The following SPNS3 variants were observed in gnomAD, a reference collection of about 807,000 sequenced individuals.
SPNS3 encodes protein spinster homolog 3.
A neutral mutation model predicts 54.4 loss-of-function variants in SPNS3; 51 were observed. That is an observed-to-expected ratio of 0.94 (90% CI 0.75 to 1.18). The LOEUF (loss-of-function observed/expected upper bound fraction) is 1.18, where lower values mean the gene tolerates loss of function less well. Ranked by LOEUF, SPNS3 falls within the 50% of genes most tolerant of loss-of-function variation. The probability of loss-of-function intolerance (pLI) is 0.00; values close to 1 mark genes in which losing one functional copy is unlikely to be tolerated. For missense variants in SPNS3, 669 were observed against 677.4 expected, an observed-to-expected ratio of 0.99 and a Z score of 0.14; for synonymous variants, 309 against 294.7, an observed-to-expected ratio of 1.05 and a Z score of -0.50.
chr17:4,434,006 G>T lies in SPNS3; in HGVS notation c.39G>T (p.Gly13=). The T allele has an allele frequency of 6.3e-7, 1 of 1,594,458 alleles. No individual in the cohort carries two copies. The highest frequency in any genetic ancestry group is 1.1e-5 in the South Asian group (1 of 89,074). ...GGMSAECPEP[G]PGGLQGQSPG... ...TGTCAGCGGAGTGCCCTGAGCCTGG[G>T]CCAGGAGGTCTGCAGGGCCAGTCCC... Residue 13 remains glycine, a synonymous_variant, in exon 1 of 12, where the codon GGG becomes GGT. Transcript: ENST00000355530.
intron 8 of SPNS3, among the ~76,000 whole-genome samples, chr17:4,462,727 ACCC>A (rs1469547398): frequency 2.6e-5 from 2 of 76,248 alleles, no homozygotes; most frequent in African/African-American, 1.1e-4. Context: ...CCACCCACCC[ACCC>A]ATCCACCAAT....
At chr17:4,475,368 G>T (rs1597338743) in intron 8 of SPNS3, among the ~76,000 whole-genome samples, 1 of 152,254 alleles carries the variant, frequency 6.6e-6, no homozygotes, top group South Asian at 2.1e-4. Context: ...GGGAAACTGG[G>T]GAGGAGATGG....
rs35751906 is a variant in SPNS3, at chr17:4,433,988, G to A, written c.21G>A (p.Ala7=). 0.17 allele frequency: 258,782 copies of A among 1,557,384 alleles called. 22,771 individuals are homozygous for A. Among genetic ancestry groups the A allele is most frequent in the Middle Eastern group, 0.23 (1,307 of 5,624 alleles). Residue 7 remains alanine (A), a synonymous_variant, in exon 1 of 12, where the codon GCG becomes GCA. Coordinates refer to ENST00000355530, the MANE Select transcript of SPNS3 (RefSeq NM_182538.5). ...CTGGCATGGCTGGGGGGATGTCAGC[G>A]GAGTGCCCTGAGCCTGGGCCAGGAG... is the stretch of plus-strand genomic sequence containing the variant. MAGGMS[A]ECPEPGPGGL...
intron 1 of SPNS3, among the ~76,000 whole-genome samples, chr17:4,438,786 CAG>C (rs1334632428): frequency 1.3e-5 from 2 of 152,248 alleles, no homozygotes; most frequent in African/African-American, 2.4e-5. Context: ...TGAGCAGCGA[CAG>C]GGGGCTGCCG....
intron 7 of SPNS3, among the ~76,000 whole-genome samples, chr17:4,452,587 G>C (rs1971194779): frequency 6.6e-6 from 1 of 152,072 alleles, no homozygotes; most frequent in Non-Finnish European, 1.5e-5. Flanking sequence ...ATACATGTTT[G>C]CTTCCCTCCA....
At chr17:4,450,515 G>A (rs183302451) in intron 7 of SPNS3, among the ~76,000 whole-genome samples, 2 of 152,078 alleles carry the variant, frequency 1.3e-5, no homozygotes, top group East Asian at 3.9e-4. Context: ...CCAGGCTTAA[G>A]CAATCCTCCC....
intron 6 of SPNS3, among the ~76,000 whole-genome samples, chr17:4,448,542 G>A (rs1971066740): frequency 6.6e-6 from 1 of 152,222 alleles, no homozygotes; most frequent in Admixed American, 6.5e-5. Flanking sequence ...GATGGCGTGA[G>A]CCCCAGCCTT....
At chr17:4,439,272 C>T (rs542951894) in intron 1 of SPNS3, among the ~76,000 whole-genome samples, 38 of 152,056 alleles carry the variant, frequency 2.5e-4, no homozygotes, top group African/African-American at 7.5e-4. Context: ...TACAGGCGCC[C>T]GCCACCACGT....
At chr17:4,484,373 T>A (rs1432547079) in intron 9 of SPNS3, among the ~76,000 whole-genome samples, 1 of 152,190 alleles carries the variant, frequency 6.6e-6, no homozygotes, top group Non-Finnish European at 1.5e-5. Context: ...CAGGCTGGAG[T>A]ATAGTGGTGC....
At chr17:4,436,644 A>G (rs184409237) in intron 1 of SPNS3, among the ~76,000 whole-genome samples, 2 of 152,288 alleles carry the variant, frequency 1.3e-5, no homozygotes, top group South Asian at 2.1e-4. Flanking sequence ...AACAAAACAC[A>G]TGAAACAAAA....
Position 4,486,335 on chromosome 17 carries a change from T to A in SPNS3, c.1278+9T>A. 3.8e-6 allele frequency: 6 copies of A among 1,599,372 alleles called. No homozygotes were observed. The highest frequency in any genetic ancestry group is 5.1e-6 in the Non-Finnish European group (6 of 1,173,870). On this transcript the variant is annotated intron_variant, in intron 10 of 11. Transcript: ENST00000355530. The surrounding 1 kb of genome is among the most constrained non-coding windows in gnomAD (Gnocchi z 5.5). The stretch of plus-strand genomic sequence containing the variant: ...CCTATCTCACAGGACTTGTAAGACG[T>A]GTCTGCGTGTGTGGGGTGGGGAGGG...
chr17:4,446,519 GC>G, intron 4 of SPNS3: 2 of 493,456 alleles, frequency 4.1e-6, no homozygotes, highest in South Asian at 2.7e-5. Flanking sequence ...GCGTGTTAGG[GC>G]CAGGCCCTGC....
chr17:4,436,840 G>A (rs562459269), intron 1 of SPNS3, among the ~76,000 whole-genome samples: 1 of 152,350 alleles, frequency 6.6e-6, no homozygotes, highest in South Asian at 2.1e-4. Flanking sequence ...GGAGGCCTGA[G>A]TTGGAGTGTG....
chr17:4,458,613 CTTT>C (rs1971399348), intron 8 of SPNS3, among the ~76,000 whole-genome samples: 1 of 108,368 alleles, frequency 9.2e-6, no homozygotes, highest in African/African-American at 3.6e-5. Context: ...TTCTTTCTTT[CTTT>C]CTTTCTTTCT....
chr17:4,468,771 T>TTCTTTCTTTC (rs1266906325), intron 8 of SPNS3, among the ~76,000 whole-genome samples: 2 of 53,650 alleles, frequency 3.7e-5, no homozygotes, highest in Admixed American at 2.2e-4. Flanking sequence ...CTCTCTTTCT[T>TTCTTTCTTTC]TTTCTTTCTT....
At chr17:4,458,529 T>A (rs1971384743) in intron 8 of SPNS3, among the ~76,000 whole-genome samples, 1 of 104,912 alleles carries the variant, frequency 9.5e-6, no homozygotes, top group Non-Finnish European at 2.4e-5. Context: ...CCCACCCGCC[T>A]TCCTTCCTTC....
intron 1 of SPNS3, among the ~76,000 whole-genome samples, chr17:4,435,798 GGCTC>G (rs1970700729): frequency 6.6e-6 from 1 of 152,050 alleles, no homozygotes; most frequent in South Asian, 2.1e-4. Flanking sequence ...CAGGCGTGGT[GGCTC>G]ACGCCTGTAA....
At chr17:4,487,548 C>T (rs994314633) in intron 11 of SPNS3, among the ~76,000 whole-genome samples, 3 of 152,248 alleles carry the variant, frequency 2.0e-5, no homozygotes, top group Non-Finnish European at 4.4e-5. Flanking sequence ...GCCAAAGCAT[C>T]TCCCTGGCTG....
At position 4,487,962 on chromosome 17, in the gene SPNS3, C is replaced by T; in HGVS notation, c.*68C>T. On this transcript the variant is annotated 3_prime_UTR_variant, in exon 12 of 12. Coordinates refer to ENST00000355530, the MANE Select transcript of SPNS3 (RefSeq NM_182538.5). Reference sequence around the variant, plus strand: ...TCCCCACAGCAGCAGTGCCTCGGTTCCTCTTTGGCTGTCCTCGGGGACTCC... The same window carrying T: ...TCCCCACAGCAGCAGTGCCTCGGTTTCTCTTTGGCTGTCCTCGGGGACTCC... 4 of 1,419,050 alleles carry T rather than the reference C, an allele frequency of 2.8e-6. No individual in the cohort carries two copies. Among genetic ancestry groups the T allele is most frequent in the Non-Finnish European group, 4.0e-6 (4 of 1,008,696 alleles). The allele number at this position is 1,419,050 out of a possible 1,614,324, so 87.9% of individuals were successfully genotyped here. A position where few individuals can be genotyped will look rare whatever the true frequency, so the allele number is the denominator to read the frequency against.
Sources: allele counts gnomAD v4.1 joint callset (sites outside exome capture counted in the v4.1 genomes callset), GRCh38; gene constraint gnomAD v4.1.1; non-coding constraint Gnocchi (gnomAD v3.1); transcripts MANE v1.5; gene names NCBI Gene and HGNC (gene_info 2026-07-23, HGNC 2026-07-21).